GRB2: variants seen among roughly 807,000 people sequenced by gnomAD.
GRB2 encodes growth factor receptor bound protein 2.
In GRB2, 2 loss-of-function variants were observed where a neutral mutation model predicts 27.4. The ratio of observed to expected loss-of-function variants is 0.07; its 90% CI spans 0.03 to 0.23. The LOEUF (loss-of-function observed/expected upper bound fraction) is 0.23, where lower values mean the gene tolerates loss of function less well. Among genes scored for constraint, GRB2 ranks in the 10% least tolerant of loss-of-function variants. The pLI is 1.00. For missense variants in GRB2, 102 were observed against 282.4 expected, an observed-to-expected ratio of 0.36 and a Z score of 4.58; for synonymous variants, 94 against 99.6, an observed-to-expected ratio of 0.94 and a Z score of 0.33.
chr17:75,360,322 A>C (rs574509033), intron 2 of GRB2, among the ~76,000 whole-genome samples: 2 of 152,360 alleles, frequency 1.3e-5, no homozygotes, highest in South Asian at 4.1e-4. Context: ...TCTGGACAAC[A>C]GGAACTAGTT....
At chr17:75,393,429 T>A (rs2079010442) in intron 2 of GRB2, 122 bp downstream of exon 2, 4 of 793,832 alleles carry the variant, frequency 5.0e-6, no homozygotes, top group Non-Finnish European at 8.8e-6. Flanking sequence ...AGAACAAATA[T>A]GATGGTAAAT....
chr17:75,360,708 A>T (rs1248546051), intron 2 of GRB2, among the ~76,000 whole-genome samples: 1 of 152,170 alleles, frequency 6.6e-6, no homozygotes, highest in Non-Finnish European at 1.5e-5. Context: ...CTCTCTGCCC[A>T]CTTGGCTTCT....
In GRB2 at chr17:75,320,317, T is replaced by G. The variant is rs1235725555; in HGVS notation, c.*51A>C. ...GAGGCAGCTTGTGGGTTTAATTCTTTTGTATGTGTTTTACATTTTTCACTT... is the reference window on the plus strand; with the variant it reads ...GAGGCAGCTTGTGGGTTTAATTCTTGTGTATGTGTTTTACATTTTTCACTT... On this transcript the variant is annotated 3_prime_UTR_variant, in exon 6 of 6. Coordinates refer to ENST00000316804, the MANE Select transcript of GRB2 (RefSeq NM_002086.5). This position sits in a 1 kb window ranked among gnomAD's most constrained non-coding sequence, Gnocchi z 4.3. The G allele has an allele frequency of 6.7e-7, 1 of 1,488,136 alleles. No individual in the cohort carries two copies. Among genetic ancestry groups the G allele is most frequent in the Non-Finnish European group, 9.4e-7 (1 of 1,066,558 alleles). The allele number at this position is 1,488,136 out of a possible 1,614,324, so 92.2% of individuals were successfully genotyped here. A position where few individuals can be genotyped will look rare whatever the true frequency, so the allele number is the denominator to read the frequency against.
At chr17:75,358,902 TATATATATATATAA>T (rs1246417131) in intron 2 of GRB2, among the ~76,000 whole-genome samples, 4 of 62,404 alleles carry the variant, frequency 6.4e-5, no homozygotes, top group African/African-American at 9.3e-5. Context: ...AAAAAAATTA[TATATATATATATAA>T]ATATATATAT....
At chr17:75,382,448 G>T (rs554412747) in intron 2 of GRB2, among the ~76,000 whole-genome samples, 1 of 152,266 alleles carries the variant, frequency 6.6e-6, no homozygotes, top group African/African-American at 2.4e-5. Flanking sequence ...TGGAATATTT[G>T]CATTTATATA....
chr17:75,335,489 T>C (rs904416379), intron 2 of GRB2, among the ~76,000 whole-genome samples: 13 of 152,126 alleles, frequency 8.5e-5, no homozygotes, highest in Non-Finnish European at 2.9e-5. Flanking sequence ...TGAGATGCAA[T>C]AGAAAGGGTA....
intron 2 of GRB2, among the ~76,000 whole-genome samples, chr17:75,360,494 T>A (rs910565967): frequency 6.6e-6 from 1 of 152,208 alleles, no homozygotes; most frequent in African/African-American, 2.4e-5. Flanking sequence ...TTTAGAAGGC[T>A]TCCACAGAAT....
At chr17:75,377,982 C>T (rs990443649) in intron 2 of GRB2, among the ~76,000 whole-genome samples, 17 of 152,172 alleles carry the variant, frequency 1.1e-4, no homozygotes, top group African/African-American at 3.9e-4. Context: ...GAACAACCCC[C>T]AAGTCTGCTG....
At chr17:75,323,566 C>T (rs1228997952) in intron 4 of GRB2, among the ~76,000 whole-genome samples, 1 of 152,124 alleles carries the variant, frequency 6.6e-6, no homozygotes, top group Non-Finnish European at 1.5e-5. Context: ...GTCATGACAC[C>T]TGCTTTGCTT....
intron 1 of GRB2, among the ~76,000 whole-genome samples, chr17:75,395,557 G>C (rs1211838230): frequency 6.6e-6 from 1 of 152,126 alleles, no homozygotes; most frequent in African/African-American, 2.4e-5. Flanking sequence ...ACCCACAGGC[G>C]ATCACTCTCG....
intron 2 of GRB2, among the ~76,000 whole-genome samples, chr17:75,352,978 G>T (rs1156923749): frequency 4.0e-5 from 6 of 151,512 alleles, no homozygotes; most frequent in Non-Finnish European, 5.9e-5. Flanking sequence ...AAGGTCAGGA[G>T]ATCGAGACCA....
At chr17:75,363,094 T>A (rs753868163) in intron 2 of GRB2, among the ~76,000 whole-genome samples, 1 of 152,150 alleles carries the variant, frequency 6.6e-6, no homozygotes, top group African/African-American at 2.4e-5. Context: ...TATTTCATAA[T>A]CTATTCCTGT....
At chr17:75,341,489 G>GTA (rs2078621414) in intron 2 of GRB2, among the ~76,000 whole-genome samples, 2 of 149,554 alleles carry the variant, frequency 1.3e-5, no homozygotes, top group South Asian at 4.2e-4. Context: ...AAAACAAAGG[G>GTA]TATTTGTTAG....
At chr17:75,345,148 T>C (rs1290223311) in intron 2 of GRB2, among the ~76,000 whole-genome samples, 1 of 152,068 alleles carries the variant, frequency 6.6e-6, no homozygotes, top group Admixed American at 6.6e-5. Flanking sequence ...GTTCATCCCA[T>C]TCTCCTGCCT....
At chr17:75,400,458 C>G (rs2079056619) in intron 1 of GRB2, among the ~76,000 whole-genome samples, 1 of 151,422 alleles carries the variant, frequency 6.6e-6, no homozygotes, top group African/African-American at 2.4e-5. Context: ...ACATGCATAC[C>G]ACCATACCCA....
intron 2 of GRB2, among the ~76,000 whole-genome samples, chr17:75,378,502 T>G (rs1159162740): frequency 6.6e-6 from 1 of 152,146 alleles, no homozygotes; most frequent in African/African-American, 2.4e-5. Context: ...GCCTTTAATA[T>G]CTAACAGGGA....
chr17:75,376,367 AT>A lies in GRB2; in HGVS notation c.78+17183del, dbSNP rs1555612123. ...CTCAAAAAAAAAAAAAAAAAAAAAA[AT>A]TTTTTAACCCGACCTGGTGGCATGC... On this transcript the variant is annotated intron_variant, in intron 2 of 5. Coordinates refer to ENST00000316804, the MANE Select transcript of GRB2 (RefSeq NM_002086.5). Among the ~76,000 whole-genome samples the A allele has an allele frequency of 8.4e-5, 12 of 142,758 alleles. No individual in the cohort carries two copies. In the East Asian group the frequency reaches 1.2e-3, roughly 14 times the overall value. The allele number at this position is 142,758 out of a possible 152,430, so 93.7% of individuals were successfully genotyped here.
At chr17:75,403,574 G>A (rs1340471563) in intron 1 of GRB2, among the ~76,000 whole-genome samples, 1 of 151,990 alleles carries the variant, frequency 6.6e-6, no homozygotes, top group Non-Finnish European at 1.5e-5. Context: ...AGACCAGCCT[G>A]GCCAACATGG....
intron 2 of GRB2, among the ~76,000 whole-genome samples, chr17:75,338,646 G>A (rs766784084): frequency 1.1e-4 from 17 of 152,010 alleles, no homozygotes; most frequent in Admixed American, 2.0e-4. Flanking sequence ...ATAAGAGGAG[G>A]AAGAGACAAG....
Sources: allele counts gnomAD v4.1 joint callset (sites outside exome capture counted in the v4.1 genomes callset), GRCh38; gene constraint gnomAD v4.1.1; non-coding constraint Gnocchi (gnomAD v3.1); transcripts MANE v1.5; gene names NCBI Gene and HGNC (gene_info 2026-07-23, HGNC 2026-07-21).